SLC71A2: variants seen among roughly 807,000 people sequenced by gnomAD.
The protein encoded by SLC71A2 is hippocampus abundant transcript-like 1.
the SLC71A2 span, among the ~76,000 whole-genome samples, chr9:94,397,191 A>C: frequency 1.3e-5 from 2 of 152,200 alleles, no homozygotes; most frequent in South Asian, 2.1e-4. Flanking sequence ...TTTTATATCC[A>C]CAGAAAAATT....
chr9:94,452,161 TGC>T, the SLC71A2 span, among the ~76,000 whole-genome samples: 1 of 152,234 alleles, frequency 6.6e-6, no homozygotes, highest in African/African-American at 2.4e-5. Context: ...ATCTCTGGAT[TGC>T]AAAATCAACT....
At chr9:94,386,523 G>A in the SLC71A2 span, among the ~76,000 whole-genome samples, 5 of 151,770 alleles carry the variant, frequency 3.3e-5, no homozygotes, top group Non-Finnish European at 5.9e-5. Context: ...TACGTCACAT[G>A]CATGTGCTTA....
the SLC71A2 span, among the ~76,000 whole-genome samples, chr9:94,454,920 T>C: frequency 1.1e-4 from 16 of 152,042 alleles, no homozygotes; most frequent in Non-Finnish European, 1.8e-4. Context: ...TAAGAAAAAT[T>C]AGAAGGAATC....
At chr9:94,383,550 C>T in the SLC71A2 span, among the ~76,000 whole-genome samples, 889 of 152,134 alleles carry the variant, frequency 5.8e-3, 9 homozygotes, top group Non-Finnish European at 9.6e-3. Flanking sequence ...TTTGTCTTTA[C>T]ATCAGTACCC....
chr9:94,448,745 G>A, the SLC71A2 span, among the ~76,000 whole-genome samples: 1 of 152,130 alleles, frequency 6.6e-6, no homozygotes, highest in African/African-American at 2.4e-5. Flanking sequence ...AAATCCTTGT[G>A]CCTCAGCCTG....
the SLC71A2 span, among the ~76,000 whole-genome samples, chr9:94,410,323 T>C: frequency 6.6e-6 from 1 of 152,122 alleles, no homozygotes; most frequent in South Asian, 2.1e-4. Context: ...CTTGAACTCC[T>C]AGCCTCAAGT....
the SLC71A2 span, among the ~76,000 whole-genome samples, chr9:94,383,958 C>T: frequency 2.0e-5 from 3 of 152,096 alleles, no homozygotes; most frequent in Non-Finnish European, 4.4e-5. Flanking sequence ...TTGTTGCCAG[C>T]ATATAGAAAT....
chr9:94,434,987 A>G, the SLC71A2 span, among the ~76,000 whole-genome samples: 10 of 152,032 alleles, frequency 6.6e-5, no homozygotes, highest in East Asian at 3.9e-4. Context: ...AGCTTACTCT[A>G]TTTTTTACTA....
chr9:94,389,060 C>T, the SLC71A2 span, among the ~76,000 whole-genome samples: 2 of 151,738 alleles, frequency 1.3e-5, no homozygotes, highest in Admixed American at 6.6e-5. Flanking sequence ...GCCTTAGACG[C>T]CAGTCCTAGT....
the SLC71A2 span, among the ~76,000 whole-genome samples, chr9:94,403,249 GC>G: frequency 6.6e-6 from 1 of 152,118 alleles, no homozygotes; most frequent in African/African-American, 2.4e-5. Flanking sequence ...TGATTCTCTT[GC>G]CTCAGCCTCT....
the SLC71A2 span, among the ~76,000 whole-genome samples, chr9:94,414,196 T>C: frequency 6.6e-6 from 1 of 152,336 alleles, no homozygotes; most frequent in African/African-American, 2.4e-5. Flanking sequence ...TTTCTCAGTT[T>C]TCCACAGGAG....
the SLC71A2 span, among the ~76,000 whole-genome samples, chr9:94,395,291 A>G: frequency 6.6e-6 from 1 of 152,146 alleles, no homozygotes; most frequent in Admixed American, 6.5e-5. Flanking sequence ...TTTGCTGTTT[A>G]GAAGTACAGT....
chr9:94,381,448 T>C, the SLC71A2 span, among the ~76,000 whole-genome samples: 6 of 151,560 alleles, frequency 4.0e-5, no homozygotes, highest in African/African-American at 1.5e-4. Context: ...ATCAGTGTTA[T>C]GTAAATCGGT....
the SLC71A2 span, chr9:94,451,570 C>T: frequency 5.8e-6 from 6 of 1,030,590 alleles, no homozygotes; most frequent in Admixed American, 1.4e-4. Flanking sequence ...TAAAAAATAT[C>T]CTGATAACCA....
the SLC71A2 span, among the ~76,000 whole-genome samples, chr9:94,451,707 G>T: frequency 7.9e-5 from 12 of 152,216 alleles, no homozygotes; most frequent in Non-Finnish European, 1.5e-4. Flanking sequence ...AGAAACTGAT[G>T]TGAATGTGGT....
the SLC71A2 span, among the ~76,000 whole-genome samples, chr9:94,408,128 A>C: frequency 1.3e-5 from 2 of 152,182 alleles, no homozygotes; most frequent in Non-Finnish European, 2.9e-5. Flanking sequence ...CCCAAATTTG[A>C]TGGTTGAACT....
chr9:94,422,374 G>A, the SLC71A2 span, among the ~76,000 whole-genome samples: 1 of 152,180 alleles, frequency 6.6e-6, no homozygotes, highest in South Asian at 2.1e-4. Context: ...GCAAATTGCT[G>A]AACTTAGAGA....
At chr9:94,424,716 ATTG>A in the SLC71A2 span, among the ~76,000 whole-genome samples, 1 of 126,656 alleles carries the variant, frequency 7.9e-6, no homozygotes, top group Non-Finnish European at 1.6e-5. Context: ...GAATGGACAT[ATTG>A]TTTTCTGCTT....
chr9:94,389,852 C>G, the SLC71A2 span, among the ~76,000 whole-genome samples: 97 of 152,006 alleles, frequency 6.4e-4, no homozygotes, highest in Non-Finnish European at 9.9e-4. Context: ...AGGCAGTGCT[C>G]CCACCTCGGC....
Sources: allele counts gnomAD v4.1 joint callset (sites outside exome capture counted in the v4.1 genomes callset), GRCh38; gene constraint gnomAD v4.1.1; transcripts MANE v1.5; gene names NCBI Gene and HGNC (gene_info 2026-07-23, HGNC 2026-07-21).